Variants in STK39 observed in about 807,000 individuals in gnomAD.
STK39 encodes the protein STE20/SPS1-related proline-alanine-rich protein kinase.
Under a neutral mutation model 77.8 loss-of-function variants are expected in STK39, and 20 were observed. The observed-to-expected ratio is 0.26, with a 90% CI of 0.18 to 0.37. The LOEUF (loss-of-function observed/expected upper bound fraction) is 0.37, where lower values mean the gene tolerates loss of function less well. STK39 is among the 10% of genes least tolerant of loss of function. The pLI is 1.00. For missense variants in STK39, 479 were observed against 656.5 expected, an observed-to-expected ratio of 0.73 and a Z score of 2.95; for synonymous variants, 246 against 234.1, an observed-to-expected ratio of 1.05 and a Z score of -0.47.
intron 8 of STK39, among the ~76,000 whole-genome samples, chr2:168,132,166 TA>T (rs1328225568): frequency 6.6e-6 from 1 of 152,204 alleles, no homozygotes; most frequent in East Asian, 1.9e-4. Flanking sequence ...AACAACATTT[TA>T]AAAACTAAGA....
Position 167,988,655 on chromosome 2 carries a change from GA to G in STK39, c.1499-23930del, listed in dbSNP as rs559681133. ...TGAAGGCTTTATCTTGTTAATATGA[GA>G]AAAAAAAAAGTGTTTCTGGAATCAA... is the stretch of plus-strand genomic sequence containing the variant. On this transcript the variant is annotated intron_variant, in intron 16 of 17. Coordinates refer to ENST00000355999, the MANE Select transcript of STK39 (RefSeq NM_013233.3). 8.7e-4 allele frequency among the ~76,000 whole-genome samples: 129 copies of G among 148,162 alleles called. 1 individual carries two copies. The highest frequency in any genetic ancestry group is 3.5e-3 in the Middle Eastern group (1 of 282).
At chr2:168,097,987 A>C (rs1438546898) in intron 10 of STK39, among the ~76,000 whole-genome samples, 2 of 152,234 alleles carry the variant, frequency 1.3e-5, no homozygotes, top group African/African-American at 4.8e-5. Flanking sequence ...ATAGAAGCTA[A>C]ATGATTTTCT....
intron 16 of STK39, among the ~76,000 whole-genome samples, chr2:167,987,538 C>A (rs1235133310): frequency 1.3e-5 from 2 of 152,096 alleles, no homozygotes; most frequent in East Asian, 3.9e-4. Context: ...CTGTTCATGG[C>A]TGTCCAATCA....
chr2:168,094,294 T>G (rs1405303380), intron 10 of STK39, among the ~76,000 whole-genome samples: 1 of 152,212 alleles, frequency 6.6e-6, no homozygotes, highest in East Asian at 1.9e-4. Context: ...GTCCTGGTAC[T>G]TGATATATGA....
chr2:168,227,672 TTTTTA>T (rs1231395908), intron 1 of STK39, among the ~76,000 whole-genome samples: 1 of 152,198 alleles, frequency 6.6e-6, no homozygotes, highest in African/African-American at 2.4e-5. Flanking sequence ...CAATTTTTCT[TTTTTA>T]TTTATTTATT....
At chr2:167,975,753 G>C (rs898315266) in intron 16 of STK39, among the ~76,000 whole-genome samples, 1 of 152,210 alleles carries the variant, frequency 6.6e-6, no homozygotes, top group Admixed American at 6.5e-5. Flanking sequence ...GGCGGAGTTT[G>C]CAGTGCCATC....
chr2:168,144,854 A>G (rs1263393470), intron 5 of STK39, among the ~76,000 whole-genome samples: 1 of 151,936 alleles, frequency 6.6e-6, no homozygotes, highest in East Asian at 1.9e-4. Context: ...GGTGGCATGC[A>G]ACTGTAATTT....
At chr2:168,171,003 T>C (rs1688809746) in intron 2 of STK39, among the ~76,000 whole-genome samples, 1 of 152,150 alleles carries the variant, frequency 6.6e-6, no homozygotes, top group Non-Finnish European at 1.5e-5. Flanking sequence ...TTGCCAAAAA[T>C]ATAGTCAAGG....
At chr2:168,073,840 A>G (rs1156534891) in intron 12 of STK39, among the ~76,000 whole-genome samples, 5 of 152,106 alleles carry the variant, frequency 3.3e-5, no homozygotes, top group African/African-American at 1.2e-4. Flanking sequence ...CTGGTCTCGA[A>G]TTCCTGACCT....
At chr2:167,965,037 G>A (rs565024048) in intron 16 of STK39, among the ~76,000 whole-genome samples, 5 of 151,718 alleles carry the variant, frequency 3.3e-5, no homozygotes, top group South Asian at 2.1e-4. Context: ...CAGTGTTTCC[G>A]CCACTTGGCT....
chr2:168,197,919 T>G (rs968053229), intron 1 of STK39, among the ~76,000 whole-genome samples: 2 of 151,472 alleles, frequency 1.3e-5, no homozygotes, highest in Non-Finnish European at 2.9e-5. Flanking sequence ...GTGCCTGTAA[T>G]CCCATCTACT....
chr2:167,985,227 G>T (rs1410516717), intron 16 of STK39, among the ~76,000 whole-genome samples: 3 of 152,168 alleles, frequency 2.0e-5, no homozygotes, highest in Admixed American at 2.0e-4. Context: ...CCCTGATATT[G>T]TTCTCTTACC....
At chr2:168,033,229 C>T (rs921537178) in intron 14 of STK39, among the ~76,000 whole-genome samples, 1 of 151,746 alleles carries the variant, frequency 6.6e-6, no homozygotes, top group South Asian at 2.1e-4. Context: ...TTAATAAACA[C>T]TCAAGTAACA....
intron 14 of STK39, among the ~76,000 whole-genome samples, chr2:168,030,344 AG>A (rs1343574705): frequency 6.6e-6 from 1 of 152,196 alleles, no homozygotes; most frequent in African/African-American, 2.4e-5. Context: ...CAAGTGAGTT[AG>A]CCATAGAGAA....
chr2:168,085,249 T>C (rs1686335362), intron 10 of STK39, among the ~76,000 whole-genome samples: 1 of 152,190 alleles, frequency 6.6e-6, no homozygotes, highest in African/African-American at 2.4e-5. Context: ...AAAAGAAGGA[T>C]GGCTTAAAGA....
intron 14 of STK39, among the ~76,000 whole-genome samples, chr2:168,057,110 C>T (rs1448107535): frequency 6.6e-6 from 1 of 152,310 alleles, no homozygotes; most frequent in South Asian, 2.1e-4. Context: ...AATTCTATGA[C>T]TCATATTTAT....
chr2:168,220,616 G>T (rs956600898), intron 1 of STK39, among the ~76,000 whole-genome samples: 1 of 152,090 alleles, frequency 6.6e-6, no homozygotes, highest in South Asian at 2.1e-4. Context: ...CGCCAAAAGA[G>T]ATGTCAAAAT....
At chr2:167,995,247 C>T (rs1398556329) in intron 16 of STK39, among the ~76,000 whole-genome samples, 1 of 151,866 alleles carries the variant, frequency 6.6e-6, no homozygotes, top group Non-Finnish European at 1.5e-5. Flanking sequence ...GTAGCTGGGA[C>T]TACAGGCACA....
chr2:168,206,393 T>G (rs375335679), intron 1 of STK39, among the ~76,000 whole-genome samples: 6 of 151,828 alleles, frequency 4.0e-5, no homozygotes, highest in African/African-American at 1.2e-4. Context: ...CTGCGCCTCC[T>G]GGATTCAAGT....
Sources: gnomAD v4.1 joint callset for allele counts (sites outside exome capture counted in the v4.1 genomes callset) on GRCh38, gnomAD v4.1.1 for gene constraint, MANE v1.5 for transcripts, NCBI Gene and HGNC (gene_info 2026-07-23, HGNC 2026-07-21) for gene names.